Variants in EBF3 observed in about 807,000 individuals in gnomAD.
EBF3 encodes the protein transcription factor COE3.
Under a neutral mutation model 77.1 loss-of-function variants are expected in EBF3, and 18 were observed. The ratio of observed to expected loss-of-function variants is 0.23; its 90% CI spans 0.16 to 0.35. EBF3 has a LOEUF of 0.35. EBF3 is among the 10% of genes least tolerant of loss of function. The pLI, the probability that EBF3 is intolerant of heterozygous loss-of-function variation, is 1.00. For missense variants in EBF3, 558 were observed against 860.0 expected (o/e 0.65, Z 4.39); for synonymous variants, 350 against 343.5 (o/e 1.02, Z -0.21).
chr10:129,876,865 C>A (rs1852804470), intron 7 of EBF3, among the ~76,000 whole-genome samples: 1 of 137,798 alleles, frequency 7.3e-6, no homozygotes, highest in Non-Finnish European at 1.5e-5. Context: ...GTACATAAAT[C>A]TATCATAATT....
rs1851852686 is a variant in EBF3 at position 129,864,401 on chromosome 10, T to C, written c.1039+2740A>G. Among the ~76,000 whole-genome samples the C allele has an allele frequency of 6.6e-6, 1 of 152,180 alleles. No individual in the cohort carries two copies. The highest frequency in any genetic ancestry group is 1.5e-5 in the Non-Finnish European group (1 of 68,026). On this transcript the variant is annotated intron_variant, in intron 10 of 16. Coordinates refer to ENST00000440978, the MANE Select transcript of EBF3 (RefSeq NM_001375380.1). The surrounding 1 kb of genome is among the most constrained non-coding windows in gnomAD (Gnocchi z 4.4). ...TCTCCAAATGCACAGCCCAAGGCCT[T>C]TCTCTGCAGCACTGGGGACAGAATC...
intron 6 of EBF3, among the ~76,000 whole-genome samples, chr10:129,895,071 C>A (rs1854274557): frequency 6.6e-6 from 1 of 152,232 alleles, no homozygotes; most frequent in Non-Finnish European, 1.5e-5. Context: ...GACAGTAAGG[C>A]CAGGTTCAGC....
chr10:129,848,629 AAT>A lies in EBF3; in HGVS notation c.1040-151_1040-150del. 1.3e-6 allele frequency: 1 copy of A among 780,242 alleles called. No homozygotes were observed. 48.3% of individuals were successfully genotyped at this position (780,242 alleles called of 1,614,324 possible). On this transcript the variant is annotated intron_variant, in intron 10 of 16. Coordinates refer to ENST00000440978, the MANE Select transcript of EBF3 (RefSeq NM_001375380.1). This position sits in a 1 kb window ranked among gnomAD's most constrained non-coding sequence, Gnocchi z 4.4. ...CCTGAATACTAGCTGTGTCTTAAGG[AAT>A]AGATTTTCCCCCTTTCTTTTGCACA...
intron 6 of EBF3, among the ~76,000 whole-genome samples, chr10:129,912,862 C>T (rs768943969): frequency 3.9e-5 from 6 of 152,228 alleles, no homozygotes; most frequent in Non-Finnish European, 7.3e-5. Flanking sequence ...CCCTGAGCCT[C>T]AGGAAGAAAT....
chr10:129,873,727 C>G lies in EBF3; in HGVS notation c.637-131G>C, dbSNP rs1852567163. On this transcript the variant is annotated intron_variant, in intron 7 of 16. Transcript: ENST00000440978. ...TCACGTGTTCCTGGACACTGTTGAT[C>G]GATGTGCGTTCACAGCTTTTTTGGC... 3.0e-6 allele frequency: 3 copies of G among 1,008,074 alleles called. No individual in the cohort carries two copies. The South Asian group carries it at 1.1e-4, about 38-fold the overall frequency. 62.4% of individuals were successfully genotyped at this position (1,008,074 alleles called of 1,614,324 possible). A position where few individuals can be genotyped will look rare whatever the true frequency, so the allele number is the denominator to read the frequency against.
At chr10:129,853,177 T>G (rs76105906) in intron 10 of EBF3, among the ~76,000 whole-genome samples, 2,190 of 152,290 alleles carry the variant, frequency 0.014, 48 homozygotes, top group African/African-American at 0.04. Context: ...GTTTTTAAAA[T>G]AGTGTCATTA....
chr10:129,901,091 G>A (rs1336305874), intron 6 of EBF3, among the ~76,000 whole-genome samples: 3 of 152,330 alleles, frequency 2.0e-5, no homozygotes, highest in Middle Eastern at 3.4e-3. Context: ...ACTGTAGGAT[G>A]CTCTTGACAT....
At chr10:129,838,062 A>C in intron 16 of EBF3, 102 bp from the exon 17 acceptor site, 1 of 1,425,916 alleles carries the variant, frequency 7.0e-7, no homozygotes, top group South Asian at 1.2e-5. Flanking sequence ...TTCAACTGGG[A>C]GGCTGGTCTT....
At position 129,839,524 on chromosome 10, in the gene EBF3, G is replaced by A. The variant is rs528166173; in HGVS notation, c.1760-329C>T. ...CTCATCTGTGGACAGCTGTGCCCTC[G>A]GGGCCGGCCCTTCTCCCTCCTGATT... On this transcript the variant is annotated intron_variant, in intron 15 of 16. Transcript: ENST00000440978. Among the ~76,000 whole-genome samples, 28 of 152,096 alleles carry A rather than the reference G, an allele frequency of 1.8e-4. No individual in the cohort carries two copies. In the South Asian group the frequency reaches 2.1e-3, roughly 11 times the overall value.
intron 8 of EBF3, among the ~76,000 whole-genome samples, chr10:129,871,903 A>G (rs1852432506): frequency 6.6e-6 from 1 of 152,122 alleles, no homozygotes; most frequent in Non-Finnish European, 1.5e-5. Flanking sequence ...ATGTCGAGAA[A>G]CAAACAGGAA....
chr10:129,921,318 CA>C (rs1241241124), intron 6 of EBF3, among the ~76,000 whole-genome samples: 2 of 152,106 alleles, frequency 1.3e-5, no homozygotes, highest in Non-Finnish European at 2.9e-5. Context: ...TCCTCAGTCT[CA>C]ACTCACTTTG....
chr10:129,849,412 CTAT>C (rs1850701930), intron 10 of EBF3, among the ~76,000 whole-genome samples: 1 of 152,220 alleles, frequency 6.6e-6, no homozygotes, highest in South Asian at 2.1e-4. Flanking sequence ...CTGCCACCAT[CTAT>C]TCATTACTCT....
chr10:129,916,733 T>C (rs901079923), intron 6 of EBF3, among the ~76,000 whole-genome samples: 15 of 152,176 alleles, frequency 9.9e-5, no homozygotes, highest in African/African-American at 3.6e-4. Flanking sequence ...GACCCTTCGC[T>C]GAGGCCATTC....
chr10:129,838,874 C>T (rs781442625), intron 16 of EBF3, among the ~76,000 whole-genome samples: 2 of 152,244 alleles, frequency 1.3e-5, no homozygotes, highest in Admixed American at 6.5e-5. Context: ...AAGCCCTGTG[C>T]GTACACACCG....
At chr10:129,857,227 A>G (rs1282529823) in intron 10 of EBF3, among the ~76,000 whole-genome samples, 3 of 152,230 alleles carry the variant, frequency 2.0e-5, no homozygotes, top group African/African-American at 7.2e-5. Context: ...TGGAATCCCC[A>G]AAAGCACAGC....
At chr10:129,902,466 G>A (rs1854859731) in intron 6 of EBF3, among the ~76,000 whole-genome samples, 1 of 151,914 alleles carries the variant, frequency 6.6e-6, no homozygotes, top group Non-Finnish European at 1.5e-5. Context: ...ACGCTATCTG[G>A]GAGGCACATC....
chr10:129,938,535 G>C lies in EBF3; in HGVS notation c.554+18723C>G, dbSNP rs1349341573. ...GCCACTGTACCCAGCCTGGGTGGCA[G>C]AGTGAGACCCTGTCTCGAAAATAAA... On this transcript the variant is annotated intron_variant, in intron 6 of 16. Transcript: ENST00000440978. This position sits in a 1 kb window ranked among gnomAD's most constrained non-coding sequence, Gnocchi z 5.1. Among the ~76,000 whole-genome samples, 4 of 152,160 alleles carry C rather than the reference G, an allele frequency of 2.6e-5. No individual in the cohort carries two copies. In the East Asian group the frequency reaches 7.7e-4, roughly 29 times the overall value.
At chr10:129,961,621 G>T (rs978328355) in intron 4 of EBF3, among the ~76,000 whole-genome samples, 2 of 152,178 alleles carry the variant, frequency 1.3e-5, no homozygotes, top group African/African-American at 4.8e-5. Context: ...CTTGGAGTTT[G>T]AATTATGGAG....
At chr10:129,866,411 A>G (rs1852016719) in intron 10 of EBF3, among the ~76,000 whole-genome samples, 1 of 152,198 alleles carries the variant, frequency 6.6e-6, no homozygotes, top group African/African-American at 2.4e-5. Context: ...CAACATGCCC[A>G]GCCAATTTGA....
Sources: gnomAD v4.1 joint callset for allele counts (sites outside exome capture counted in the v4.1 genomes callset) on GRCh38, gnomAD v4.1.1 for gene constraint, Gnocchi (gnomAD v3.1) non-coding constraint, MANE v1.5 for transcripts, NCBI Gene and HGNC (gene_info 2026-07-23, HGNC 2026-07-21) for gene names.